NOL4L: variants seen among roughly 807,000 people sequenced by gnomAD.
NOL4L encodes the protein nucleolar protein 4 like.
NOL4L carries 7 observed loss-of-function variants against 64.5 expected under a neutral mutation model. That is an observed-to-expected ratio of 0.11 (90% CI 0.06 to 0.20). The LOEUF (loss-of-function observed/expected upper bound fraction) is 0.20. NOL4L is among the 10% of genes least tolerant of loss of function. The probability of loss-of-function intolerance (pLI) is 1.00; values close to 1 mark genes in which losing one functional copy is unlikely to be tolerated. For synonymous variants in NOL4L, 413 were observed against 401.0 expected (o/e 1.03, Z -0.36); for missense variants, 680 against 967.1 (o/e 0.70, Z 3.94).
intron 5 of NOL4L, among the ~76,000 whole-genome samples, chr20:32,469,878 C>A (rs907078428): frequency 2.0e-5 from 3 of 152,222 alleles, no homozygotes; most frequent in Non-Finnish European, 1.5e-5. Flanking sequence ...ACAAGGCCAA[C>A]GCTGGTGTGA....
intron 1 of NOL4L, among the ~76,000 whole-genome samples, chr20:32,530,339 A>C (rs1406165161): frequency 6.6e-6 from 1 of 152,046 alleles, no homozygotes; most frequent in Non-Finnish European, 1.5e-5. Flanking sequence ...CAGGAGATCG[A>C]GACCATCCTG....
In NOL4L at chr20:32,444,323, T is replaced by C. The variant is rs1394176122; in HGVS notation, c.*3273A>G. ...TGAAACTGGTATTCTGGTGAAATAC[T>C]TTACTATTTTGTAAAAAGTTTTACA... On this transcript the variant is annotated 3_prime_UTR_variant, in exon 11 of 11. Transcript: ENST00000621426. 6.6e-6 allele frequency: 1 copy of C among 152,230 alleles called. No individual in the cohort carries two copies. Among genetic ancestry groups the C allele is most frequent in the Non-Finnish European group, 1.5e-5 (1 of 68,026 alleles). The allele number at this position is 152,230 out of a possible 1,614,324, so 9.4% of individuals were successfully genotyped here. A position where few individuals can be genotyped will look rare whatever the true frequency, so the allele number is the denominator to read the frequency against.
chr20:32,562,946 G>T (rs1375436660), intron 1 of NOL4L, among the ~76,000 whole-genome samples: 1 of 72,800 alleles, frequency 1.4e-5, no homozygotes, highest in Admixed American at 1.2e-4. Flanking sequence ...GAGGGTGGAG[G>T]GGAGGGAGGG....
In NOL4L at chr20:32,446,088, C is replaced by T. The variant is rs1365653711; in HGVS notation, c.*1508G>A. 6.6e-6 allele frequency: 1 copy of T among 152,366 alleles called. No homozygotes were observed. The highest frequency in any genetic ancestry group is 1.5e-5 in the Non-Finnish European group (1 of 68,194). 9.4% of individuals were successfully genotyped at this position (152,366 alleles called of 1,614,324 possible). On this transcript the variant is annotated 3_prime_UTR_variant, in exon 11 of 11. Transcript: ENST00000621426. Reference sequence around the variant, plus strand: ...AGGCAACAGAGGGCTTCTGCCAGCTCTGGGCAGGGGCGGGCAGCAGAGAGC... The same window carrying T: ...AGGCAACAGAGGGCTTCTGCCAGCTTTGGGCAGGGGCGGGCAGCAGAGAGC...
intron 1 of NOL4L, among the ~76,000 whole-genome samples, chr20:32,561,843 G>A (rs1045311634): frequency 6.6e-6 from 1 of 152,164 alleles, no homozygotes; most frequent in South Asian, 2.1e-4. Context: ...TAGCACATTA[G>A]CTGGGCATGG....
chr20:32,557,185 G>A (rs1978708797), intron 1 of NOL4L, among the ~76,000 whole-genome samples: 2 of 152,142 alleles, frequency 1.3e-5, no homozygotes, highest in South Asian at 4.1e-4. Flanking sequence ...ATAAAGTGGG[G>A]TCCACCCTCA....
At chr20:32,545,328 A>T (rs2018717042) in intron 1 of NOL4L, among the ~76,000 whole-genome samples, 1 of 152,094 alleles carries the variant, frequency 6.6e-6, no homozygotes, top group Admixed American at 6.5e-5. Flanking sequence ...AAAAACATGA[A>T]CTTTGGACAG....
intron 1 of NOL4L, among the ~76,000 whole-genome samples, chr20:32,540,723 G>A (rs900875679): frequency 4.6e-5 from 7 of 152,068 alleles, no homozygotes; most frequent in African/African-American, 7.2e-5. Context: ...GACTGTCAAT[G>A]TTAGGAGTGA....
At position 32,464,838 on chromosome 20, in the gene NOL4L, A is replaced by C. The variant is rs2014405324; in HGVS notation, c.842-8443T>G. 1 of 413,278 alleles carries C rather than the reference A, an allele frequency of 2.4e-6. No homozygotes were observed. The highest frequency in any genetic ancestry group is 4.4e-6 in the Non-Finnish European group (1 of 228,646). The allele number at this position is 413,278 out of a possible 1,614,324, so 25.6% of individuals were successfully genotyped here. On this transcript the variant is annotated intron_variant, in intron 5 of 10. Transcript: ENST00000621426. The surrounding 1 kb of genome is among the most constrained non-coding windows in gnomAD (Gnocchi z 5.6). ...ATATCCAAAATAGTACCATTTCAAC[A>C]AATAATTGATACCGTGTTATCAGAG... is the stretch of plus-strand genomic sequence containing the variant.
rs541997207 is a variant in NOL4L at position 32,580,261 on chromosome 20, G to A, written c.321+4309C>T. Among the ~76,000 whole-genome samples the A allele has an allele frequency of 3.0e-4, 46 of 152,228 alleles. 1 individual carries two copies. Among genetic ancestry groups the A allele is most frequent in the African/African-American group, 8.4e-4 (35 of 41,534 alleles). ...CTGTGAGAATTCCACAAGCTGATGCGTATCAGCGCCTCAGCCCAGTGACAG... is the reference window on the plus strand; with the variant it reads ...CTGTGAGAATTCCACAAGCTGATGCATATCAGCGCCTCAGCCCAGTGACAG... On this transcript the variant is annotated intron_variant, in intron 1 of 10. Coordinates refer to ENST00000621426, the MANE Select transcript of NOL4L (RefSeq NM_001256798.2).
chr20:32,582,958 T>C (rs1430963708), intron 1 of NOL4L, among the ~76,000 whole-genome samples: 1 of 150,960 alleles, frequency 6.6e-6, no homozygotes, highest in African/African-American at 2.4e-5. Context: ...GAGGGGACAA[T>C]GACCCAGACT....
chr20:32,551,698 G>A (rs1307274043), intron 1 of NOL4L, among the ~76,000 whole-genome samples: 11 of 151,972 alleles, frequency 7.2e-5, no homozygotes, highest in Admixed American at 7.2e-4. Flanking sequence ...GGGTATGGGG[G>A]GTTTCTGGGG....
At chr20:32,584,095 T>TC (rs1194458873) in intron 1 of NOL4L, among the ~76,000 whole-genome samples, 4,930 of 32,412 alleles carry the variant, frequency 0.15, 892 homozygotes, top group East Asian at 0.59. Context: ...CCTGCCTCCC[T>TC]CCCCCCCCCC....
intron 4 of NOL4L, among the ~76,000 whole-genome samples, chr20:32,478,273 A>ACACACACACACACTCTCTCT (rs1373957221): frequency 7.0e-6 from 1 of 143,332 alleles, no homozygotes; most frequent in African/African-American, 2.6e-5. Context: ...ACACACACAC[A>ACACACACACACACTCTCTCT]CTCTCTCTCT....
chr20:32,488,779 CTTCCTTCCTTCCTTTCTTTCTTTCTT>C (rs1568647594), intron 4 of NOL4L, among the ~76,000 whole-genome samples: 783 of 51,592 alleles, frequency 0.015, 23 homozygotes, highest in African/African-American at 0.041. Context: ...TCCTTCCTTC[CTTCCTTCCTTCCTTTCTTTCTTTCTT>C]TTTCTTTCTT....
chr20:32,532,442 C>T (rs1409148057), intron 1 of NOL4L: 42 of 886,404 alleles, frequency 4.7e-5, no homozygotes, highest in Non-Finnish European at 5.5e-5. Flanking sequence ...CAAAGGGATC[C>T]GACAGTAGTC....
At chr20:32,468,917 A>AAAAAAAAAAG (rs1555792102) in intron 5 of NOL4L, among the ~76,000 whole-genome samples, 1 of 109,760 alleles carries the variant, frequency 9.1e-6, no homozygotes, top group African/African-American at 3.9e-5. Context: ...AAAAAAAAAA[A>AAAAAAAAAAG]AAAGAAAGAA....
chr20:32,475,220 G>T, intron 4 of NOL4L: 1 of 985,434 alleles, frequency 1.0e-6, no homozygotes, highest in Non-Finnish European at 1.2e-6. Context: ...CTCCCATGAA[G>T]CATGCATGGA....
chr20:32,553,369 C>T (rs1025277810), intron 1 of NOL4L, among the ~76,000 whole-genome samples: 22 of 152,278 alleles, frequency 1.4e-4, no homozygotes, highest in African/African-American at 1.9e-4. Context: ...CTTCTCCTGG[C>T]GCTACTCACC....
Sources: gnomAD v4.1 joint callset for allele counts (sites outside exome capture counted in the v4.1 genomes callset) on GRCh38, gnomAD v4.1.1 for gene constraint, Gnocchi (gnomAD v3.1) non-coding constraint, MANE v1.5 for transcripts, NCBI Gene and HGNC (gene_info 2026-07-23, HGNC 2026-07-21) for gene names.